WRN: variants seen among roughly 807,000 people sequenced by gnomAD.
WRN encodes the protein bifunctional 3'-5' exonuclease/ATP-dependent helicase WRN.
Under a neutral mutation model 180.7 loss-of-function variants are expected in WRN, and 149 were observed. The observed-to-expected ratio is 0.82, with a 90% CI of 0.72 to 0.94. WRN has a LOEUF of 0.94. Ranked by LOEUF, WRN falls within the 40% of genes least tolerant of loss-of-function variation. The pLI is 0.00. For missense variants in WRN, 1,661 were observed against 1,700.1 expected (o/e 0.98, Z 0.40); for synonymous variants, 548 against 568.9 (o/e 0.96, Z 0.52).
Position 31,071,374 on chromosome 8 carries a change from G to A in WRN, c.724+3047G>A, listed in dbSNP as rs73670548. ...AAACGGATATAGGAGGAAGGCAGGA[G>A]TCACAGTAGGAATATCTTTTGGGAG... On this transcript the variant is annotated intron_variant, in intron 7 of 34. Transcript: ENST00000298139. Among the ~76,000 whole-genome samples the A allele has an allele frequency of 5.6e-3, 855 of 152,292 alleles. 6 individuals are homozygous for A. Among genetic ancestry groups the A allele is most frequent in the African/African-American group, 0.019 (796 of 41,556 alleles).
chr8:31,069,336 G>T, intron 7 of WRN, among the ~76,000 whole-genome samples: 1 of 152,162 alleles, frequency 6.6e-6, no homozygotes, highest in East Asian at 1.9e-4. Flanking sequence ...TCCCTGGAGA[G>T]CCACTTCCTA....
chr8:31,080,251 T>C (rs1341939339), intron 8 of WRN, among the ~76,000 whole-genome samples: 1 of 152,218 alleles, frequency 6.6e-6, no homozygotes, highest in Non-Finnish European at 1.5e-5. Flanking sequence ...CAAGGCTTTT[T>C]CATTATATAC....
In WRN at chr8:31,087,838, A is replaced by G; in HGVS notation, c.1494A>G (p.Glu498=). ...CTCATTCTAAATGCTTAAAAATGGA[A>G]AGAAATCTGGGTCTTCCTACTAAAG... ...EPTHSKCLKM[E]RNLGLPTKEE... Residue 498 remains glutamate (E), a synonymous_variant, in exon 12 of 35, where the codon GAA becomes GAG. Transcript: ENST00000298139. The G allele has an allele frequency of 6.2e-7, 1 of 1,613,802 alleles. No individual in the cohort carries two copies. The highest frequency in any genetic ancestry group is 8.5e-7 in the Non-Finnish European group (1 of 1,179,828).
rs1563397663 is a variant in WRN, at chr8:31,174,822, TCCCTCCC to T, written c.*1721_*1727del. On this transcript the variant is annotated 3_prime_UTR_variant, in exon 35 of 35. Transcript: ENST00000298139. ...CTTCCTTCCTTCCTTCCTTCCTTCC[TCCCTCCC>T]TCCCTCCCTCCCTCCCTCCCTCCTT... is the stretch of plus-strand genomic sequence containing the variant. Among the ~76,000 whole-genome samples, 27 of 54,182 alleles carry T rather than the reference TCCCTCCC, an allele frequency of 5.0e-4. 1 individual carries two copies. The highest frequency in any genetic ancestry group is 3.4e-3 in the East Asian group (3 of 876). The allele number at this position is 54,182 out of a possible 152,430, so 35.5% of individuals were successfully genotyped here.
intron 7 of WRN, among the ~76,000 whole-genome samples, chr8:31,070,378 A>G (rs2725386): frequency 0.038 from 5,770 of 152,044 alleles, 405 homozygotes; most frequent in East Asian, 0.27. Context: ...AAGGATAAAA[A>G]GATTAGAACA....
intron 18 of WRN, among the ~76,000 whole-genome samples, chr8:31,107,526 A>G (rs935052388): frequency 4.6e-5 from 7 of 152,230 alleles, no homozygotes; most frequent in East Asian, 1.9e-4. Context: ...AGTGGCTGAG[A>G]AAACGTTTTT....
intron 30 of WRN, 53 bp downstream of exon 30, chr8:31,147,529 T>G (rs1003532026): frequency 1.1e-4 from 164 of 1,527,342 alleles, no homozygotes; most frequent in Non-Finnish European, 1.4e-4. Flanking sequence ...AAAATAGATT[T>G]GGAAAATATA....
intron 33 of WRN, among the ~76,000 whole-genome samples, chr8:31,162,627 G>A (rs1048036351): frequency 6.6e-6 from 1 of 152,152 alleles, no homozygotes; most frequent in African/African-American, 2.4e-5. Context: ...CTTTTACACA[G>A]CTGGCAGCAA....
At chr8:31,158,093 G>A (rs775581395) in intron 33 of WRN, among the ~76,000 whole-genome samples, 1 of 152,042 alleles carries the variant, frequency 6.6e-6, no homozygotes, top group Non-Finnish European at 1.5e-5. Context: ...CATCCAAAAC[G>A]TGCACTTTCA....
chr8:31,126,678 C>A (rs1801942752), intron 23 of WRN, among the ~76,000 whole-genome samples: 1 of 152,092 alleles, frequency 6.6e-6, no homozygotes, highest in Non-Finnish European at 1.5e-5. Context: ...CCACTGCTGT[C>A]CAGCCTGGGT....
chr8:31,167,808 A>C (rs1195416754), intron 34 of WRN, among the ~76,000 whole-genome samples: 1 of 152,110 alleles, frequency 6.6e-6, no homozygotes, highest in Non-Finnish European at 1.5e-5. Context: ...GCATGAGATA[A>C]ATAGCAATCA....
chr8:31,143,591 G>T lies in WRN; in HGVS notation c.3351G>T (p.Lys1117Asn), dbSNP rs774886450. The T allele has an allele frequency of 6.3e-7, 1 of 1,590,700 alleles. No individual in the cohort carries two copies. Among genetic ancestry groups the T allele is most frequent in the African/African-American group, 1.3e-5 (1 of 74,274 alleles). Residue 1117 changes from lysine to asparagine, a missense_variant, in exon 28 of 35, where the codon AAG (lysine) becomes AAT (asparagine). Transcript: ENST00000298139. ...EKLYSYKPCD[K>N]ISSGSNISKK... ...TATATTCTTATAAACCATGTGATAA[G>T]ATTTCTTCTGGGAGTAACATTTCTA...
intron 1 of WRN, among the ~76,000 whole-genome samples, chr8:31,055,057 C>A (rs140831393): frequency 1.1e-3 from 164 of 152,266 alleles, no homozygotes; most frequent in African/African-American, 3.7e-3. Flanking sequence ...GATCGTGTTC[C>A]TTTTTATGGC....
At chr8:31,129,494 C>T (rs189966562) in intron 23 of WRN, among the ~76,000 whole-genome samples, 1 of 152,300 alleles carries the variant, frequency 6.6e-6, no homozygotes, top group East Asian at 1.9e-4. Context: ...GAAGTTTTCT[C>T]ACCACATTTT....
chr8:31,147,491 G>T lies in WRN; in HGVS notation c.3572+15G>T, dbSNP rs1444050004. On this transcript the variant is annotated intron_variant, in intron 30 of 34. Coordinates refer to ENST00000298139, the MANE Select transcript of WRN (RefSeq NM_000553.6). ...GCCAAAATGAGGTAAACTATCTTTT[G>T]CATGTGTTCTATTTATTTCCTTCTA... is the stretch of plus-strand genomic sequence containing the variant. The T allele has an allele frequency of 6.8e-7, 1 of 1,461,606 alleles. No homozygotes were observed. The highest frequency in any genetic ancestry group is 2.5e-5 in the African/African-American group (1 of 39,334). 90.5% of individuals were successfully genotyped at this position (1,461,606 alleles called of 1,614,324 possible).
At position 31,149,135 on chromosome 8, in the gene WRN, G is replaced by A. The variant is rs922772766; in HGVS notation, c.3573-1206G>A. Among the ~76,000 whole-genome samples, 10 of 152,060 alleles carry A rather than the reference G, an allele frequency of 6.6e-5. No individual in the cohort carries two copies. In the East Asian group the frequency reaches 1.9e-3, roughly 30 times the overall value. Reference sequence around the variant, plus strand: ...ATTCTGGCCGGGCGCTGTGGCTCACGCTTGTAAATCCCAGGACTTTGGGAG... The same window carrying A: ...ATTCTGGCCGGGCGCTGTGGCTCACACTTGTAAATCCCAGGACTTTGGGAG... On this transcript the variant is annotated intron_variant, in intron 30 of 34. Transcript: ENST00000298139.
At chr8:31,053,963 A>G (rs1191951745) in intron 1 of WRN, among the ~76,000 whole-genome samples, 1 of 152,248 alleles carries the variant, frequency 6.6e-6, no homozygotes, top group Non-Finnish European at 1.5e-5. Context: ...AGAAGCTATT[A>G]GACTTAAAAA....
chr8:31,143,055 ATTCT>A (rs1384384726), intron 27 of WRN, among the ~76,000 whole-genome samples: 98 of 19,104 alleles, frequency 5.1e-3, no homozygotes, highest in Admixed American at 0.01. Flanking sequence ...ACACACACAC[ATTCT>A]CTCTCTCTCT....
intron 1 of WRN, among the ~76,000 whole-genome samples, chr8:31,040,587 G>C (rs1054383243): frequency 2.0e-5 from 3 of 152,202 alleles, no homozygotes; most frequent in Non-Finnish European, 4.4e-5. Flanking sequence ...GATTAATTGT[G>C]TCACTTACTG....
Sources: allele counts gnomAD v4.1 joint callset (sites outside exome capture counted in the v4.1 genomes callset), GRCh38; gene constraint gnomAD v4.1.1; transcripts MANE v1.5; gene names NCBI Gene and HGNC (gene_info 2026-07-23, HGNC 2026-07-21).